WDR86: variants seen among roughly 807,000 people sequenced by gnomAD.
The protein encoded by WDR86 is WD repeat domain 86.
In WDR86, 30 loss-of-function variants were observed where a neutral mutation model predicts 36.5. That is an observed-to-expected ratio of 0.82 (90% confidence interval 0.61 to 1.11). The LOEUF (loss-of-function observed/expected upper bound fraction) is 1.11. WDR86 is among the 50% of genes most tolerant of loss of function. The probability of loss-of-function intolerance (pLI) is 0.00; values close to 1 mark genes in which losing one functional copy is unlikely to be tolerated. For synonymous variants in WDR86, 255 were observed against 252.9 expected (o/e 1.01, Z -0.08); for missense variants, 545 against 561.2 (o/e 0.97, Z 0.29).
At chr7:151,377,256 C>CT, downstream of WDR86, 1 of 1,370,562 alleles carries the variant, frequency 7.3e-7, no homozygotes, top group Middle Eastern at 2.0e-4. Context: ...TAATTTTCTG[C>CT]TTATAAATGC....
chr7:151,377,338 T>G, downstream of WDR86: 1 of 747,114 alleles, frequency 1.3e-6, no homozygotes, highest in Non-Finnish European at 2.1e-6. Flanking sequence ...CCTCTTTGGG[T>G]GTAGGAGGGG....
At chr7:151,373,505 G>A (rs970315425), downstream of WDR86, among the ~76,000 whole-genome samples, 1 of 152,180 alleles carries the variant, frequency 6.6e-6, no homozygotes, top group Non-Finnish European at 1.5e-5. Flanking sequence ...GAACCAAGAG[G>A]TTAGATGACC....
intron 2 of WDR86, among the ~76,000 whole-genome samples, chr7:151,397,971 G>A (rs116340699): frequency 4.4e-4 from 67 of 152,236 alleles, no homozygotes; most frequent in African/African-American, 1.5e-3. Flanking sequence ...GGCCTGACCT[G>A]GCTCTGAAAA....
chr7:151,374,075 G>A, downstream of WDR86: 1 of 1,544,986 alleles, frequency 6.5e-7, no homozygotes, highest in Non-Finnish European at 8.7e-7. Flanking sequence ...ACTTGGGATG[G>A]GACTTTGCTG....
Position 151,409,356 on chromosome 7 carries a change from G to T in WDR86, c.163+71C>A. The T allele has an allele frequency of 6.5e-7, 1 of 1,537,764 alleles. No homozygotes were observed. ...TTCTAGAAAGGGGTCTGCGGGCGCAGGAGCTGGGGTCCGCGGTCTGGGGCC... is the reference window on the plus strand; with the variant it reads ...TTCTAGAAAGGGGTCTGCGGGCGCATGAGCTGGGGTCCGCGGTCTGGGGCC... On this transcript the variant is annotated intron_variant, in intron 1 of 5. Transcript: ENST00000334493. This position sits in a 1 kb window ranked among gnomAD's most constrained non-coding sequence, Gnocchi z 5.2.
downstream of WDR86, chr7:151,374,340 C>T (rs1261982771): frequency 7.1e-7 from 1 of 1,415,322 alleles, no homozygotes. Flanking sequence ...GGGCTCACTC[C>T]TATGGGCTGC....
downstream of WDR86, among the ~76,000 whole-genome samples, chr7:151,379,029 C>T (rs1320438222): frequency 6.6e-6 from 1 of 152,156 alleles, no homozygotes; most frequent in Non-Finnish European, 1.5e-5. Flanking sequence ...GAGGAGGGGG[C>T]AGGACGGTGC....
At chr7:151,385,940 G>A (rs533548093) in intron 3 of WDR86, among the ~76,000 whole-genome samples, 24 of 152,240 alleles carry the variant, frequency 1.6e-4, no homozygotes, top group African/African-American at 5.3e-4. Context: ...CCAGCCAAGA[G>A]CACTCCCAGC....
chr7:151,402,240 T>C (rs1800400288), intron 1 of WDR86, among the ~76,000 whole-genome samples: 1 of 151,316 alleles, frequency 6.6e-6, no homozygotes, highest in African/African-American at 2.4e-5. Context: ...GAACCGACCG[T>C]TCCCTGCAGG....
rs1314518874 is a variant in WDR86, at chr7:151,401,865, T to C, written c.164-1624A>G. Among the ~76,000 whole-genome samples, 1 of 150,690 alleles carries C rather than the reference T, an allele frequency of 6.6e-6. No homozygotes were observed. Among genetic ancestry groups the C allele is most frequent in the African/African-American group, 2.5e-5 (1 of 40,790 alleles). On this transcript the variant is annotated intron_variant, in intron 1 of 5. Transcript: ENST00000334493. This position sits in a 1 kb window ranked among gnomAD's most constrained non-coding sequence, Gnocchi z 4.3. ...GAGTTCAAGATCAGCCTGGCTAAGA[T>C]GGTGAAACCCCGTCTCTACTAAAAA...
At chr7:151,383,089 G>A (rs1204895263) in intron 4 of WDR86, among the ~76,000 whole-genome samples, 4 of 145,832 alleles carry the variant, frequency 2.7e-5, no homozygotes, top group Non-Finnish European at 3.0e-5. Context: ...GGGCTCAAAC[G>A]ATCCTCCCGC....
At position 151,396,085 on chromosome 7, in the gene WDR86, G is replaced by A. The variant is rs375233319; in HGVS notation, c.417C>T (p.Cys139=). 1.4e-5 allele frequency: 22 copies of A among 1,612,638 alleles called. No homozygotes were observed. The highest frequency in any genetic ancestry group is 1.1e-4 in the East Asian group (5 of 44,888). The change falls in exon 3 of 6, where the codon TGC becomes TGT. Residue 139 remains cysteine, a synonymous_variant. Transcript: ENST00000334493. ...MSREFRGHRN[C]VLTLAYSAPW... ...GGGCAGAGTAGGCTAGGGTCAGCAC[G>A]CAGTTGCGGTGGCCCCGGAACTCCC...
chr7:151,372,621 G>A (rs1027431402), downstream of WDR86, among the ~76,000 whole-genome samples: 1 of 152,208 alleles, frequency 6.6e-6, no homozygotes, highest in Non-Finnish European at 1.5e-5. Flanking sequence ...TGTGGTTGGG[G>A]TGGTGTGGCA....
At chr7:151,391,878 C>T (rs1014169678) in intron 3 of WDR86, among the ~76,000 whole-genome samples, 29 of 117,008 alleles carry the variant, frequency 2.5e-4, no homozygotes, top group Admixed American at 9.6e-4. Flanking sequence ...GCTGACACCT[C>T]ATCCCACCCG....
downstream of WDR86, among the ~76,000 whole-genome samples, chr7:151,373,820 G>T (rs770495796): frequency 6.6e-6 from 1 of 152,228 alleles, no homozygotes; most frequent in African/African-American, 2.4e-5. Context: ...TCCTGATGCC[G>T]GATGGTGGAT....
At chr7:151,373,107 T>G (rs1170169939), downstream of WDR86, among the ~76,000 whole-genome samples, 1 of 152,148 alleles carries the variant, frequency 6.6e-6, no homozygotes, top group Non-Finnish European at 1.5e-5. Flanking sequence ...GGGAGGCGCC[T>G]GTTGCCTGGG....
downstream of WDR86, among the ~76,000 whole-genome samples, chr7:151,373,179 C>A (rs2150717534): frequency 6.6e-6 from 1 of 152,304 alleles, no homozygotes; most frequent in South Asian, 2.1e-4. Flanking sequence ...CCCGTCCTCG[C>A]TGCTGCTGAT....
At position 151,406,727 on chromosome 7, in the gene WDR86, C is replaced by T. The variant is rs905941948; in HGVS notation, c.163+2700G>A. On this transcript the variant is annotated intron_variant, in intron 1 of 5. Coordinates refer to ENST00000334493, the MANE Select transcript of WDR86 (RefSeq NM_198285.3). The surrounding 1 kb of genome is among the most constrained non-coding windows in gnomAD (Gnocchi z 4.4). ...TTGGCGACAGCACCCACCCCATTATCGATGGTATCTAGAAAACAACAAGAA... is the reference window on the plus strand; with the variant it reads ...TTGGCGACAGCACCCACCCCATTATTGATGGTATCTAGAAAACAACAAGAA... 4.6e-5 allele frequency among the ~76,000 whole-genome samples: 7 copies of T among 152,142 alleles called. No individual in the cohort carries two copies. The highest frequency in any genetic ancestry group is 6.6e-5 in the Admixed American group (1 of 15,266).
At chr7:151,373,842 C>G (rs1165357274), downstream of WDR86, among the ~76,000 whole-genome samples, 1 of 152,150 alleles carries the variant, frequency 6.6e-6, no homozygotes, top group Non-Finnish European at 1.5e-5. Context: ...GCGGGGCTGG[C>G]GAGGCACCTC....
Sources: gnomAD v4.1 joint callset for allele counts (sites outside exome capture counted in the v4.1 genomes callset) on GRCh38, gnomAD v4.1.1 for gene constraint, Gnocchi (gnomAD v3.1) non-coding constraint, MANE v1.5 for transcripts, NCBI Gene and HGNC (gene_info 2026-07-23, HGNC 2026-07-21) for gene names.